Variants in EFCAB5 observed in about 807,000 individuals in gnomAD.
EFCAB5 encodes EF-hand calcium binding domain 5.
In EFCAB5, 131 loss-of-function variants were observed where a neutral mutation model predicts 167.9. The ratio of observed to expected loss-of-function variants is 0.78; its 90% confidence interval spans 0.68 to 0.90. The LOEUF (loss-of-function observed/expected upper bound fraction) is 0.90, where lower values mean the gene tolerates loss of function less well. EFCAB5 is among the 40% of genes least tolerant of loss of function. EFCAB5 has a pLI of 0.00. For synonymous variants in EFCAB5, 574 were observed against 602.8 expected (o/e 0.95, Z 0.70); for missense variants, 1,663 against 1,745.2 (o/e 0.95, Z 0.84).
chr17:30,017,048 G>A (rs868075036), intron 7 of EFCAB5, among the ~76,000 whole-genome samples: 3 of 151,842 alleles, frequency 2.0e-5, no homozygotes, highest in Non-Finnish European at 2.9e-5. Flanking sequence ...ACAATGGCAC[G>A]CACCTTTAGT....
At chr17:30,077,949 G>A (rs1360044621) in intron 14 of EFCAB5, among the ~76,000 whole-genome samples, 1 of 152,156 alleles carries the variant, frequency 6.6e-6, no homozygotes, top group African/African-American at 2.4e-5. Context: ...TAGGGAAGGA[G>A]TCAAAGCAAA....
chr17:29,945,844 G>A (rs1239907125), intron 3 of EFCAB5, among the ~76,000 whole-genome samples: 1 of 152,098 alleles, frequency 6.6e-6, no homozygotes, highest in South Asian at 2.1e-4. Context: ...AACTCAGTAT[G>A]CATCAAAAAC....
intron 5 of EFCAB5, among the ~76,000 whole-genome samples, chr17:29,995,300 T>C (rs1264705022): frequency 1.3e-5 from 2 of 152,242 alleles, no homozygotes; most frequent in Admixed American, 6.5e-5. Flanking sequence ...AACACTCTTA[T>C]AGTAAACAGA....
intron 12 of EFCAB5, 39 bp from the exon 13 acceptor site, chr17:30,057,637 T>C (rs370203534): frequency 1.9e-6 from 3 of 1,559,782 alleles, no homozygotes; most frequent in African/African-American, 2.7e-5. Flanking sequence ...CTGAAAAAAT[T>C]GTTCACTTTA....
chr17:30,096,672 TATATA>T (rs201077088), intron 22 of EFCAB5, among the ~76,000 whole-genome samples: 42 of 62,832 alleles, frequency 6.7e-4, no homozygotes, highest in African/African-American at 2.7e-3. Context: ...TATATATATA[TATATA>T]TTTTTTTTTT....
chr17:30,022,763 T>C (rs1347446926), intron 7 of EFCAB5, among the ~76,000 whole-genome samples: 1 of 152,190 alleles, frequency 6.6e-6, no homozygotes, highest in African/African-American at 2.4e-5. Flanking sequence ...TTTAGGACTA[T>C]ATCAGGTTTG....
At chr17:30,034,906 T>C (rs1191587660) in intron 8 of EFCAB5, among the ~76,000 whole-genome samples, 1 of 152,226 alleles carries the variant, frequency 6.6e-6, no homozygotes, top group African/African-American at 2.4e-5. Context: ...GTTCAAATTA[T>C]AGTTAGGAGC....
chr17:30,028,619 G>A (rs1432812216), intron 7 of EFCAB5, among the ~76,000 whole-genome samples: 1 of 152,162 alleles, frequency 6.6e-6, no homozygotes, highest in Non-Finnish European at 1.5e-5. Context: ...ATAAATCAAG[G>A]ACCTGCCTGA....
At chr17:29,973,263 G>A (rs1479589182) in intron 4 of EFCAB5, among the ~76,000 whole-genome samples, 1 of 152,176 alleles carries the variant, frequency 6.6e-6, no homozygotes. Flanking sequence ...GCCAGCACAA[G>A]ATTGGGCCAA....
At chr17:30,099,497 T>C (rs1259068475) in intron 22 of EFCAB5, among the ~76,000 whole-genome samples, 2 of 152,206 alleles carry the variant, frequency 1.3e-5, no homozygotes, top group African/African-American at 2.4e-5. Context: ...TGACCTTTCT[T>C]TGTTTTATAT....
At chr17:30,045,165 G>C (rs1003871323) in intron 8 of EFCAB5, among the ~76,000 whole-genome samples, 1 of 152,014 alleles carries the variant, frequency 6.6e-6, no homozygotes, top group African/African-American at 2.4e-5. Flanking sequence ...TGATTAAGAA[G>C]GGACATAAGT....
intron 8 of EFCAB5, among the ~76,000 whole-genome samples, chr17:30,037,199 G>A (rs930956153): frequency 6.6e-6 from 1 of 152,162 alleles, no homozygotes; most frequent in Non-Finnish European, 1.5e-5. Flanking sequence ...AGATGGGCCT[G>A]AAGATACTCC....
In EFCAB5 at chr17:30,053,816, G is replaced by C. The variant is rs188069743; in HGVS notation, c.1862G>C (p.Gly621Ala). 2 of 1,613,826 alleles carry C rather than the reference G, an allele frequency of 1.2e-6. No homozygotes were observed. The highest frequency in any genetic ancestry group is 1.6e-4 in the Middle Eastern group (1 of 6,062). ...ATTGCAGAACAAGATCGACACAAAG[G>C]GTCAGTAGCAGAACAAGGATCACGC... Reference protein sequence around the residue: ...ESIAEQDRHKGSVAEQGSRRM... With the variant: ...ESIAEQDRHKASVAEQGSRRM... The change falls in exon 10 of 23, where the codon GGG becomes GCG. Residue 621 changes from glycine (G) to alanine (A), a missense_variant. Physicochemically the swap from Gly to Ala is moderately conservative, Grantham distance 60 (BLOSUM62 0). Transcript: ENST00000394835.
intron 7 of EFCAB5, among the ~76,000 whole-genome samples, chr17:30,002,400 T>C (rs1357742768): frequency 1.3e-5 from 2 of 152,332 alleles, no homozygotes; most frequent in Non-Finnish European, 2.9e-5. Context: ...AAAATTAAGA[T>C]ACAAAACTAT....
chr17:30,053,775 GT>G lies in EFCAB5; in HGVS notation c.1822del (p.Ser608HisfsTer16), dbSNP rs2070172971. 1 of 1,613,686 alleles carries G rather than the reference GT, an allele frequency of 6.2e-7. No individual in the cohort carries two copies. The highest frequency in any genetic ancestry group is 1.3e-5 in the African/African-American group (1 of 74,856). On this transcript the variant is annotated frameshift_variant, in exon 10 of 23. Coordinates refer to ENST00000394835, the MANE Select transcript of EFCAB5 (RefSeq NM_198529.4). LOFTEE classifies it high-confidence loss of function. ...GCAGAGAGTCAGTTGCAGAACAAGGGTCACGCAGAGAGTCTATTGCAGAACA... is the reference window on the plus strand; with the variant it reads ...GCAGAGAGTCAGTTGCAGAACAAGGGCACGCAGAGAGTCTATTGCAGAACA... ...SSRESVAEQGSRRESIAEQDR... is the reference protein window; with the variant it reads ...SSRESVAEQGXRRESIAEQDR...
chr17:29,985,098 T>C (rs2068253683), intron 4 of EFCAB5, among the ~76,000 whole-genome samples: 1 of 152,202 alleles, frequency 6.6e-6, no homozygotes, highest in African/African-American at 2.4e-5. Context: ...TTCTATTTGA[T>C]TTCAATCAAA....
chr17:30,080,033 G>C (rs747049780), intron 15 of EFCAB5, 39 bp from the exon 16 acceptor site: 2 of 1,572,430 alleles, frequency 1.3e-6, no homozygotes, highest in South Asian at 1.2e-5. Context: ...GAGTTCTTTG[G>C]CTGTTGGCAA....
At chr17:30,085,719 C>CAAAAA (rs60700223) in intron 18 of EFCAB5, among the ~76,000 whole-genome samples, 4 of 125,456 alleles carry the variant, frequency 3.2e-5, no homozygotes, top group Non-Finnish European at 3.4e-5. Context: ...GACTCCGTCT[C>CAAAAA]AAAAAAAAAA....
Position 29,941,670 on chromosome 17 carries a change from G to T in EFCAB5, c.-127G>T. On this transcript the variant is annotated 5_prime_UTR_variant, in exon 1 of 23. Coordinates refer to ENST00000394835, the MANE Select transcript of EFCAB5 (RefSeq NM_198529.4). Reference sequence around the variant, plus strand: ...GAATTGTGGGGTGAGGTGAGGGCAGGAGTGAGGGAGCTTTTTTAACTTCTG... The same window carrying T: ...GAATTGTGGGGTGAGGTGAGGGCAGTAGTGAGGGAGCTTTTTTAACTTCTG... The T allele has an allele frequency of 1.4e-6, 1 of 727,532 alleles. No individual in the cohort carries two copies. The highest frequency in any genetic ancestry group is 2.3e-6 in the Non-Finnish European group (1 of 442,294). 45.1% of individuals were successfully genotyped at this position (727,532 alleles called of 1,614,324 possible).
Sources: gnomAD v4.1 joint callset for allele counts (sites outside exome capture counted in the v4.1 genomes callset) on GRCh38, gnomAD v4.1.1 for gene constraint, MANE v1.5 for transcripts, NCBI Gene and HGNC (gene_info 2026-07-23, HGNC 2026-07-21) for gene names.